The following CDH2 variants were observed in gnomAD, a reference collection of about 807,000 sequenced individuals.
CDH2 encodes cadherin 2, also known as cadherin-2.
CDH2 carries 17 observed loss-of-function variants against 92.0 expected under a neutral mutation model. That is an observed-to-expected ratio of 0.18 (90% CI 0.13 to 0.28). The LOEUF is 0.28. Ranked by LOEUF, CDH2 falls within the 10% of genes least tolerant of loss-of-function variation. The pLI is 1.00. For missense variants in CDH2, 862 were observed against 1,133.1 expected, an observed-to-expected ratio of 0.76 and a Z score of 3.44; for synonymous variants, 419 against 415.9, an observed-to-expected ratio of 1.01 and a Z score of -0.09.
chr18:28,155,615 T>C (rs73948417), intron 1 of CDH2, among the ~76,000 whole-genome samples: 56 of 152,288 alleles, frequency 3.7e-4, no homozygotes, highest in African/African-American at 1.3e-3. Flanking sequence ...ACAACTATGG[T>C]AATACTTTTA....
intron 2 of CDH2, among the ~76,000 whole-genome samples, chr18:28,107,142 T>C (rs948173021): frequency 6.6e-6 from 1 of 152,054 alleles, no homozygotes; most frequent in African/African-American, 2.4e-5. Flanking sequence ...CATTTCAGAC[T>C]ACAAAATCAA....
At chr18:27,959,058 A>G (rs1200273157) in intron 15 of CDH2, among the ~76,000 whole-genome samples, 2 of 152,194 alleles carry the variant, frequency 1.3e-5, no homozygotes. Context: ...TATATATATA[A>G]AGAAGTTTAT....
intron 2 of CDH2, among the ~76,000 whole-genome samples, chr18:28,058,322 T>C (rs2014335222): frequency 6.6e-6 from 1 of 152,152 alleles, no homozygotes; most frequent in Admixed American, 6.6e-5. Flanking sequence ...GGACAAGACA[T>C]GACAGAGAGA....
chr18:28,031,746 T>C (rs934646038), intron 2 of CDH2, among the ~76,000 whole-genome samples: 1 of 152,146 alleles, frequency 6.6e-6, no homozygotes, highest in African/African-American at 2.4e-5. Flanking sequence ...GAAATCCATG[T>C]TAAAAATAAG....
At chr18:28,049,793 T>A (rs897454375) in intron 2 of CDH2, among the ~76,000 whole-genome samples, 2 of 152,238 alleles carry the variant, frequency 1.3e-5, no homozygotes, top group African/African-American at 4.8e-5. Context: ...ATAATTATTA[T>A]GATGATAATC....
chr18:27,989,485 G>A (rs995552096), intron 10 of CDH2, among the ~76,000 whole-genome samples: 1 of 152,122 alleles, frequency 6.6e-6, no homozygotes, highest in African/African-American at 2.4e-5. Flanking sequence ...CAGCAGTTCT[G>A]TAAGAAGTTT....
At chr18:28,123,507 A>G (rs2015625715) in intron 2 of CDH2, among the ~76,000 whole-genome samples, 1 of 152,094 alleles carries the variant, frequency 6.6e-6, no homozygotes, top group Non-Finnish European at 1.5e-5. Context: ...CTCATTCTTC[A>G]TTACTAGAGA....
intron 6 of CDH2, among the ~76,000 whole-genome samples, chr18:27,934,162 G>A (rs1908967999): frequency 6.6e-6 from 1 of 152,086 alleles, no homozygotes. Flanking sequence ...TATCAGTTGT[G>A]CTGAAGCACA....
At chr18:27,950,683 AT>A (rs1452135412), downstream of CDH2, among the ~76,000 whole-genome samples, 2 of 152,176 alleles carry the variant, frequency 1.3e-5, no homozygotes, top group Non-Finnish European at 1.5e-5. Flanking sequence ...CATGAGTTAT[AT>A]TAAGAATTAA....
chr18:28,034,604 T>C, intron 2 of CDH2, among the ~76,000 whole-genome samples: 1 of 152,160 alleles, frequency 6.6e-6, no homozygotes, highest in Admixed American at 6.5e-5. Context: ...TAGGCCTTAA[T>C]GAATTTTAAT....
Position 28,007,165 on chromosome 18 carries a change from A to AAAAAAATAT in CDH2, c.703-1173_703-1172insATATTTTTT, listed in dbSNP as rs1172779200. Among the ~76,000 whole-genome samples, 312 of 110,420 alleles carry AAAAAAATAT rather than the reference A, an allele frequency of 2.8e-3. 3 individuals carry two copies. Among genetic ancestry groups the AAAAAAATAT allele is most frequent in the South Asian group, 8.3e-3 (28 of 3,380 alleles). The allele number at this position is 110,420 out of a possible 152,430, so 72.4% of individuals were successfully genotyped here. A position where few individuals can be genotyped will look rare whatever the true frequency, so the allele number is the denominator to read the frequency against. ...ACAGAGTGAGACTCCATAAAAAAAA[A>AAAAAAATAT]ATATATATATATATATATATATATA... On this transcript the variant is annotated intron_variant, in intron 5 of 15. Transcript: ENST00000269141.
intron 7 of CDH2, among the ~76,000 whole-genome samples, chr18:27,998,665 G>A (rs185134454): frequency 1.3e-5 from 2 of 152,302 alleles, no homozygotes; most frequent in East Asian, 3.9e-4. Context: ...AGGCTGGACT[G>A]CAGTGGCACG....
chr18:27,952,669 G>A (rs944898713), intron 15 of CDH2, among the ~76,000 whole-genome samples: 1 of 152,148 alleles, frequency 6.6e-6, no homozygotes, highest in East Asian at 1.9e-4. Flanking sequence ...GGCCCTGCTT[G>A]AGGCAGAGAA....
At chr18:28,044,604 G>A (rs530731676) in intron 2 of CDH2, among the ~76,000 whole-genome samples, 13 of 152,122 alleles carry the variant, frequency 8.5e-5, no homozygotes, top group Non-Finnish European at 1.3e-4. Context: ...GACATGCGAA[G>A]TGCATACATG....
chr18:27,973,057 T>C (rs185429674), intron 14 of CDH2, among the ~76,000 whole-genome samples: 1 of 152,286 alleles, frequency 6.6e-6, no homozygotes, highest in Non-Finnish European at 1.5e-5. Context: ...CAAACTGAAT[T>C]GTCAACCCTT....
chr18:27,936,047 A>G (rs1229914543), intron 6 of CDH2, among the ~76,000 whole-genome samples: 8 of 152,154 alleles, frequency 5.3e-5, no homozygotes. Flanking sequence ...GGAAGTCCAG[A>G]TGTGTTTGGT....
At chr18:28,102,371 C>G (rs919563668) in intron 2 of CDH2, among the ~76,000 whole-genome samples, 1 of 152,122 alleles carries the variant, frequency 6.6e-6, no homozygotes, top group African/African-American at 2.4e-5. Context: ...TCTGACCCAT[C>G]TCTGCAGAAT....
chr18:28,120,055 C>T (rs989738611), intron 2 of CDH2, among the ~76,000 whole-genome samples: 2 of 152,084 alleles, frequency 1.3e-5, no homozygotes, highest in East Asian at 1.9e-4. Flanking sequence ...AAATAAACGT[C>T]TTCCTTGTTT....
intron 14 of CDH2, among the ~76,000 whole-genome samples, chr18:27,975,053 A>T (rs1371445364): frequency 6.6e-6 from 1 of 152,176 alleles, no homozygotes; most frequent in Non-Finnish European, 1.5e-5. Flanking sequence ...AAACTTAAAA[A>T]AACACATTTC....
Sources: allele counts gnomAD v4.1 joint callset (sites outside exome capture counted in the v4.1 genomes callset), GRCh38; gene constraint gnomAD v4.1.1; transcripts MANE v1.5; gene names NCBI Gene and HGNC (gene_info 2026-07-23, HGNC 2026-07-21).